Variants in RBM26 observed in about 807,000 individuals in gnomAD.
The protein encoded by RBM26 is RNA binding motif protein 26.
RBM26 carries 30 observed loss-of-function variants against 123.6 expected under a neutral mutation model. The observed-to-expected ratio is 0.24, with a 90% CI of 0.18 to 0.33. The LOEUF (loss-of-function observed/expected upper bound fraction) is 0.33. Among genes scored for constraint, RBM26 ranks in the 10% least tolerant of loss-of-function variants. The pLI, the probability that RBM26 is intolerant of heterozygous loss-of-function variation, is 1.00. For synonymous variants in RBM26, 400 were observed against 404.4 expected (o/e 0.99, Z 0.13); for missense variants, 947 against 1,203.6 (o/e 0.79, Z 3.15).
chr13:79,323,221 T>C (rs1275973099), intron 20 of RBM26, among the ~76,000 whole-genome samples: 3 of 137,144 alleles, frequency 2.2e-5, no homozygotes, highest in African/African-American at 8.3e-5. Flanking sequence ...CTAAGGTAAA[T>C]CAGTGTTAGC....
At chr13:79,396,270 T>G (rs974492762) in intron 1 of RBM26, among the ~76,000 whole-genome samples, 7 of 151,976 alleles carry the variant, frequency 4.6e-5, no homozygotes, top group African/African-American at 1.7e-4. Context: ...AAACCCAAAG[T>G]GTTTTAAAAG....
At chr13:79,342,981 G>C in intron 16 of RBM26, 150 bp from the exon 17 acceptor site, 1 of 517,940 alleles carries the variant, frequency 1.9e-6, no homozygotes, top group Non-Finnish European at 3.3e-6. Context: ...ATTATCTAAA[G>C]ATCGCAGAAT....
At position 79,355,211 on chromosome 13, in the gene RBM26, C is replaced by T. The variant is rs376124491; in HGVS notation, c.1854+9G>A. 523 of 1,612,082 alleles carry T rather than the reference C, an allele frequency of 3.2e-4. 1 individual carries two copies. Among genetic ancestry groups the T allele is most frequent in the Non-Finnish European group, 4.0e-4 (473 of 1,178,884 alleles). ...AATGCGCGTACTTTTACACAAATTCCTCTCTTACCTTTGGAGAAGTAGTTT... is the reference window on the plus strand; with the variant it reads ...AATGCGCGTACTTTTACACAAATTCTTCTCTTACCTTTGGAGAAGTAGTTT... On this transcript the variant is annotated intron_variant, in intron 12 of 21. Transcript: ENST00000438737.
chr13:79,348,772 G>A (rs1472062308), intron 14 of RBM26, among the ~76,000 whole-genome samples: 3 of 152,172 alleles, frequency 2.0e-5, no homozygotes, highest in African/African-American at 7.2e-5. Context: ...TGTGCGTTCT[G>A]TATCAAACCT....
chr13:79,387,878 A>G (rs2077621511), intron 1 of RBM26, among the ~76,000 whole-genome samples: 1 of 152,132 alleles, frequency 6.6e-6, no homozygotes, highest in Admixed American at 6.6e-5. Context: ...AGACCTATAT[A>G]ATTTCTGTAC....
At chr13:79,367,242 A>T (rs751393042) in intron 6 of RBM26, among the ~76,000 whole-genome samples, 72 of 151,434 alleles carry the variant, frequency 4.8e-4, no homozygotes, top group East Asian at 9.8e-4. Flanking sequence ...CCCCATCTCT[A>T]CTAAAAATAC....
At chr13:79,361,873 T>TTCAGTGA (rs2074728658) in intron 9 of RBM26, among the ~76,000 whole-genome samples, 2 of 152,178 alleles carry the variant, frequency 1.3e-5, no homozygotes, top group Non-Finnish European at 2.9e-5. Context: ...ATTCATCTTT[T>TTCAGTGA]TCAGTGATTC....
chr13:79,347,457 G>C (rs899303417), intron 14 of RBM26, among the ~76,000 whole-genome samples: 4 of 152,124 alleles, frequency 2.6e-5, no homozygotes, highest in Admixed American at 2.6e-4. Flanking sequence ...TGGATAGTAA[G>C]AGACACATGT....
intron 3 of RBM26, among the ~76,000 whole-genome samples, chr13:79,374,107 G>A (rs2076422061): frequency 1.3e-5 from 2 of 151,976 alleles, no homozygotes; most frequent in Non-Finnish European, 2.9e-5. Flanking sequence ...CTACGCACAG[G>A]GTACACATGT....
chr13:79,340,397 A>T (rs919413625), intron 18 of RBM26, among the ~76,000 whole-genome samples: 1 of 152,098 alleles, frequency 6.6e-6, no homozygotes, highest in Non-Finnish European at 1.5e-5. Context: ...AGTTGCCAAC[A>T]AGTTAAGAAA....
chr13:79,341,130 T>A lies in RBM26; in HGVS notation c.2525A>T (p.Gln842Leu). 1 of 1,591,882 alleles carries A rather than the reference T, an allele frequency of 6.3e-7. No homozygotes were observed. The highest frequency in any genetic ancestry group is 8.6e-7 in the Non-Finnish European group (1 of 1,161,702). ...TELRRKYTEL[Q>L]LEAAKRGILS... ...AGTTGTGATTAAACATACTTCCAGC[T>A]GTAATTCTGTATACTTTCTCCTAAG... Residue 842 changes from glutamine (Q) to leucine (L), a missense_variant, in exon 18 of 22, where the codon CAG becomes CTG. Gln to Leu is a moderately radical substitution (Grantham distance 113). Coordinates refer to ENST00000438737, the MANE Select transcript of RBM26 (RefSeq NM_001366735.2).
At chr13:79,377,259 T>C (rs1051136296) in intron 3 of RBM26, 120 bp downstream of exon 3, 1 of 746,930 alleles carries the variant, frequency 1.3e-6, no homozygotes, top group Non-Finnish European at 2.2e-6. Context: ...CCTAGAAAAA[T>C]CATTTAAACT....
chr13:79,373,388 T>TAAA lies in RBM26; in HGVS notation c.328-1459_328-1458insTTT, dbSNP rs1229461747. Among the ~76,000 whole-genome samples the TAAA allele has an allele frequency of 3.3e-5, 3 of 90,198 alleles. 1 individual carries two copies. The highest frequency in any genetic ancestry group is 5.9e-5 in the Non-Finnish European group (3 of 51,166). 59.2% of individuals were successfully genotyped at this position (90,198 alleles called of 152,430 possible). A position where few individuals can be genotyped will look rare whatever the true frequency, so the allele number is the denominator to read the frequency against. Reference sequence around the variant, plus strand: ...ATATATAATATATATTATATATAAATATATATAATATATATTATATACTAT... The same window carrying TAAA: ...ATATATAATATATATTATATATAAATAAAATATATAATATATATTATATACTAT... On this transcript the variant is annotated intron_variant, in intron 3 of 21. Coordinates refer to ENST00000438737, the MANE Select transcript of RBM26 (RefSeq NM_001366735.2).
intron 18 of RBM26, 117 bp from the exon 19 acceptor site, chr13:79,337,419 C>T (rs1190593371): frequency 6.9e-6 from 8 of 1,153,920 alleles, no homozygotes; most frequent in Non-Finnish European, 8.6e-6. Flanking sequence ...TTCAAATGCC[C>T]TATAAAAGGA....
At chr13:79,366,335 A>T in intron 7 of RBM26, 140 bp from the exon 8 acceptor site, 1 of 985,766 alleles carries the variant, frequency 1.0e-6, no homozygotes, top group Non-Finnish European at 1.5e-6. Context: ...TTAGATATCC[A>T]GGGTAAAATA....
At chr13:79,337,547 C>A (rs192900765) in intron 18 of RBM26, among the ~76,000 whole-genome samples, 1 of 152,254 alleles carries the variant, frequency 6.6e-6, no homozygotes, top group Non-Finnish European at 1.5e-5. Flanking sequence ...TTTCTAAGTT[C>A]TTGCTCTCTA....
At chr13:79,359,447 A>C in intron 10 of RBM26, 128 bp downstream of exon 10, 1 of 489,594 alleles carries the variant, frequency 2.0e-6, no homozygotes, top group Non-Finnish European at 3.7e-6. Context: ...GAAAACTCAC[A>C]CTTGGGGATT....
chr13:79,403,918 CCT>C (rs1444806160), intron 1 of RBM26, among the ~76,000 whole-genome samples: 5 of 152,160 alleles, frequency 3.3e-5, no homozygotes, highest in Admixed American at 2.0e-4. Context: ...TTCATAAACT[CCT>C]CTCTTTTGCC....
chr13:79,332,896 T>A (rs150571769), intron 20 of RBM26, among the ~76,000 whole-genome samples: 3 of 152,160 alleles, frequency 2.0e-5, no homozygotes, highest in Non-Finnish European at 4.4e-5. Flanking sequence ...CTCAGCCATA[T>A]AAGCAAGCAA....
Sources: gnomAD v4.1 joint callset for allele counts (sites outside exome capture counted in the v4.1 genomes callset) on GRCh38, gnomAD v4.1.1 for gene constraint, MANE v1.5 for transcripts, NCBI Gene and HGNC (gene_info 2026-07-23, HGNC 2026-07-21) for gene names.